Variants in TDRD12 observed in about 807,000 individuals in gnomAD.
TDRD12 encodes the protein putative ATP-dependent RNA helicase TDRD12.
Under a neutral mutation model 133.5 loss-of-function variants are expected in TDRD12, and 158 were observed. That is an observed-to-expected ratio of 1.18 (90% CI 1.04 to 1.35). The LOEUF (loss-of-function observed/expected upper bound fraction) is 1.35, where lower values mean the gene tolerates loss of function less well. TDRD12 is among the 40% of genes most tolerant of loss of function. The pLI is 0.00. For missense variants in TDRD12, 1,443 were observed against 1,321.3 expected, an observed-to-expected ratio of 1.09 and a Z score of -1.43; for synonymous variants, 460 against 477.9, an observed-to-expected ratio of 0.96 and a Z score of 0.49.
intron 11 of TDRD12, among the ~76,000 whole-genome samples, chr19:32,783,733 A>G (rs943522990): frequency 2.6e-5 from 4 of 152,086 alleles, no homozygotes; most frequent in Admixed American, 6.6e-5. Context: ...GCAATTGTGA[A>G]TGGGAGTTCA....
At chr19:32,816,256 A>C (rs1967178156) in intron 26 of TDRD12, among the ~76,000 whole-genome samples, 1 of 152,180 alleles carries the variant, frequency 6.6e-6, no homozygotes, top group African/African-American at 2.4e-5. Context: ...TTTCCTGAAC[A>C]TACCTGTGTA....
rs575584323 is a variant in TDRD12, at chr19:32,785,896, G to A, written c.1122-4635G>A. On this transcript the variant is annotated intron_variant, in intron 11 of 27. Coordinates refer to ENST00000444215, the Ensembl canonical transcript of TDRD12. ...GACTCTTTATCCAATTTGCCAGTCT[G>A]TGTCTTTTAATTGGGGGCATTTAGG... Among the ~76,000 whole-genome samples, 4 of 152,216 alleles carry A rather than the reference G, an allele frequency of 2.6e-5. No individual in the cohort carries two copies. In the East Asian group the frequency reaches 7.7e-4, roughly 29 times the overall value.
At chr19:32,774,472 T>A (rs1035372553) in intron 10 of TDRD12, among the ~76,000 whole-genome samples, 20 of 151,664 alleles carry the variant, frequency 1.3e-4, no homozygotes, top group South Asian at 8.3e-4. Context: ...TTTTTTTTTT[T>A]AAAAGTATTC....
downstream of TDRD12, among the ~76,000 whole-genome samples, chr19:32,822,844 C>T (rs1388833450): frequency 6.6e-6 from 1 of 152,164 alleles, no homozygotes; most frequent in Non-Finnish European, 1.5e-5. Context: ...CATTTGCCGT[C>T]ACTGGAATTT....
chr19:32,761,684 CTTAT>C (rs529431965), intron 8 of TDRD12, among the ~76,000 whole-genome samples: 9 of 151,720 alleles, frequency 5.9e-5, no homozygotes, highest in Admixed American at 5.9e-4. Context: ...TCAGGAGTTC[CTTAT>C]TTATTTATTT....
At chr19:32,805,846 C>A (rs1971533349) in intron 21 of TDRD12, among the ~76,000 whole-genome samples, 1 of 151,236 alleles carries the variant, frequency 6.6e-6, no homozygotes, top group Non-Finnish European at 1.5e-5. Context: ...ATTCTCCTGC[C>A]TCAGCTTCCT....
chr19:32,760,572 C>T (rs931685253), intron 8 of TDRD12, among the ~76,000 whole-genome samples: 19 of 152,202 alleles, frequency 1.2e-4, no homozygotes, highest in Non-Finnish European at 2.9e-5. Flanking sequence ...TAGAGATAAA[C>T]TCACTTTTTA....
exon 26 of TDRD12, chr19:32,815,572 G>A (rs569632261): frequency 1.4e-5 from 22 of 1,536,230 alleles, no homozygotes; most frequent in African/African-American, 6.8e-5. Context: ...AAAAAATTAC[G>A]CGAAGATGCT....
At chr19:32,785,105 T>G (rs575691098) in intron 11 of TDRD12, among the ~76,000 whole-genome samples, 2 of 152,280 alleles carry the variant, frequency 1.3e-5, no homozygotes, top group South Asian at 4.1e-4. Flanking sequence ...CTCTCCTGCT[T>G]TCCCTTGTGG....
At chr19:32,824,979 C>T (rs999931045), downstream of TDRD12, among the ~76,000 whole-genome samples, 2 of 152,158 alleles carry the variant, frequency 1.3e-5, no homozygotes, top group South Asian at 2.1e-4. Flanking sequence ...TTCTTGTTCG[C>T]GTTCAGTGGC....
Position 32,732,893 on chromosome 19 carries a change from T to C in TDRD12, c.183+1010T>C, listed in dbSNP as rs111573119. 4.7e-4 allele frequency among the ~76,000 whole-genome samples: 71 copies of C among 152,272 alleles called. 1 individual carries two copies. Among genetic ancestry groups the C allele is most frequent in the African/African-American group, 1.7e-3 (71 of 41,564 alleles). On this transcript the variant is annotated intron_variant, in intron 2 of 27. Coordinates refer to ENST00000444215, the Ensembl canonical transcript of TDRD12. Reference sequence around the variant, plus strand: ...TTTTAAAAATATTCCACATTTTGGGTTGGGCATGCTGGCTCTTGCCTGTAA... The same window carrying C: ...TTTTAAAAATATTCCACATTTTGGGCTGGGCATGCTGGCTCTTGCCTGTAA...
At position 32,745,859 on chromosome 19, in the gene TDRD12, TGA is replaced by T. The variant is rs752924562; in HGVS notation, c.441-2607_441-2606del. On this transcript the variant is annotated intron_variant, in intron 4 of 27. Transcript: ENST00000444215. ...GGCTGATGTGGTTATTCTGTGTGTGTGAGAGAGAGAGTCTGGCTGATGTGGTT... is the reference window on the plus strand; with the variant it reads ...GGCTGATGTGGTTATTCTGTGTGTGTGAGAGAGAGTCTGGCTGATGTGGTT... Among the ~76,000 whole-genome samples, 248 of 125,400 alleles carry T rather than the reference TGA, an allele frequency of 2.0e-3. 4 individuals are homozygous for T. The highest frequency in any genetic ancestry group is 3.3e-3 in the Non-Finnish European group (199 of 59,574). 82.3% of individuals were successfully genotyped at this position (125,400 alleles called of 152,430 possible).
chr19:32,774,403 A>G (rs2145605303), intron 10 of TDRD12, among the ~76,000 whole-genome samples: 1 of 149,804 alleles, frequency 6.7e-6, no homozygotes, highest in African/African-American at 2.4e-5. Context: ...CCTTCCACCT[A>G]AGGGCTTCCT....
At chr19:32,811,243 C>T (rs1349496978) in exon 24 of TDRD12, 142 of 1,535,932 alleles carry the variant, frequency 9.2e-5, no homozygotes, top group Non-Finnish European at 1.2e-4. Flanking sequence ...AAAAAGAAGA[C>T]GCCTGGGCCC....
Position 32,807,572 on chromosome 19 carries a change from G to A in TDRD12, c.2576G>A (p.Arg859Gln), listed in dbSNP as rs777809222. 2.0e-5 allele frequency: 30 copies of A among 1,534,364 alleles called. No individual in the cohort carries two copies. The African/African-American group carries it at 2.5e-4, about 13-fold the overall frequency. The change falls in exon 22 of 28, where the codon CGA becomes CAA. Residue 859 changes from arginine to glutamine, a missense_variant. Physicochemically the swap from Arg to Gln is conservative, Grantham distance 43 (BLOSUM62 1). Transcript: ENST00000444215. ...AGAGACAAAAGGATCTGTCCTGACC[G>A]ACACCGTATTAATCCAGAAACGGAC...
intron 8 of TDRD12, among the ~76,000 whole-genome samples, chr19:32,757,727 G>A (rs990779599): frequency 1.3e-5 from 2 of 152,136 alleles, no homozygotes; most frequent in African/African-American, 4.8e-5. Flanking sequence ...CTTGAGCAAA[G>A]CAACTTAATT....
intron 4 of TDRD12, among the ~76,000 whole-genome samples, chr19:32,743,905 G>A (rs547614716): frequency 6.6e-6 from 1 of 151,766 alleles, no homozygotes; most frequent in Admixed American, 6.6e-5. Flanking sequence ...GTAGGCATCT[G>A]TAATCCCAGC....
At chr19:32,811,400 G>C in exon 24 of TDRD12, 1 of 1,536,120 alleles carries the variant, frequency 6.5e-7, no homozygotes, top group East Asian at 2.4e-5. Context: ...TGCTGACAAC[G>C]AAATAGAATG....
At chr19:32,799,218 TACTG>T (rs72303074) in intron 16 of TDRD12, among the ~76,000 whole-genome samples, 8,819 of 152,190 alleles carry the variant, frequency 0.058, 473 homozygotes, top group African/African-American at 0.14. Flanking sequence ...CAGGCTTTGT[TACTG>T]ACTATGAGGC....
Sources: gnomAD v4.1 joint callset for allele counts (sites outside exome capture counted in the v4.1 genomes callset) on GRCh38, gnomAD v4.1.1 for gene constraint, MANE v1.5 for transcripts, NCBI Gene and HGNC (gene_info 2026-07-23, HGNC 2026-07-21) for gene names.